The following SECISBP2L variants were observed in gnomAD, a reference collection of about 807,000 sequenced individuals.
The protein encoded by SECISBP2L is selenocysteine insertion sequence-binding protein 2-like.
Under a neutral mutation model 114.7 loss-of-function variants are expected in SECISBP2L, and 43 were observed. The observed-to-expected ratio is 0.38, with a 90% CI of 0.29 to 0.48. The LOEUF (loss-of-function observed/expected upper bound fraction) is 0.48. Among genes scored for constraint, SECISBP2L ranks in the 20% least tolerant of loss-of-function variants. The pLI is 0.98. For synonymous variants in SECISBP2L, 451 were observed against 439.7 expected (o/e 1.03, Z -0.32); for missense variants, 1,136 against 1,301.1 (o/e 0.87, Z 1.95).
chr15:49,032,752 C>A (rs1404492566), intron 4 of SECISBP2L, among the ~76,000 whole-genome samples: 2 of 152,120 alleles, frequency 1.3e-5, no homozygotes, highest in Non-Finnish European at 2.9e-5. Context: ...CATCTTAAAC[C>A]CGCCCAAAAT....
chr15:49,044,147 A>C (rs999624490), intron 1 of SECISBP2L, among the ~76,000 whole-genome samples: 1 of 152,168 alleles, frequency 6.6e-6, no homozygotes, highest in Non-Finnish European at 1.5e-5. Context: ...TGAGTATGTC[A>C]ACACTGGTCT....
intron 2 of SECISBP2L, among the ~76,000 whole-genome samples, chr15:49,036,363 T>G (rs1903006464): frequency 6.6e-6 from 1 of 152,228 alleles, no homozygotes; most frequent in South Asian, 2.1e-4. Context: ...TCCTAAGGAC[T>G]AGGGAGTTGA....
At chr15:48,993,403 T>C (rs922354770) in intron 17 of SECISBP2L, among the ~76,000 whole-genome samples, 2 of 152,140 alleles carry the variant, frequency 1.3e-5, no homozygotes, top group African/African-American at 2.4e-5. Flanking sequence ...CTTATACCAA[T>C]AGGAGCTCAC....
chr15:49,023,887 T>TG (rs1412099173), intron 7 of SECISBP2L, among the ~76,000 whole-genome samples: 2 of 152,020 alleles, frequency 1.3e-5, no homozygotes, highest in Non-Finnish European at 2.9e-5. Flanking sequence ...TTACTCAAAG[T>TG]GGGAGAGGTA....
At position 49,012,593 on chromosome 15, in the gene SECISBP2L, G is replaced by C. The variant is rs1215617505; in HGVS notation, c.1731+55C>G. ...CACCACAACCTACTTTTACAAAACA[G>C]ATTAAAATCCTTATTCATCCTATAA... On this transcript the variant is annotated intron_variant, in intron 12 of 17. Coordinates refer to ENST00000559471, the MANE Select transcript of SECISBP2L (RefSeq NM_001193489.2). 4 of 1,573,658 alleles carry C rather than the reference G, an allele frequency of 2.5e-6. No homozygotes were observed. The African/African-American group carries it at 5.5e-5, about 22-fold the overall frequency.
intron 12 of SECISBP2L, among the ~76,000 whole-genome samples, chr15:49,012,074 A>C (rs1902447801): frequency 6.6e-6 from 1 of 152,176 alleles, no homozygotes; most frequent in Admixed American, 6.5e-5. Context: ...ATGTTATAGA[A>C]TATACAGCTA....
chr15:48,996,260 C>A, intron 17 of SECISBP2L, 107 bp downstream of exon 17: 1 of 1,123,398 alleles, frequency 8.9e-7, no homozygotes, highest in Admixed American at 2.8e-5. Flanking sequence ...AAATTTCGAG[C>A]AACATTTGAA....
intron 3 of SECISBP2L, 81 bp downstream of exon 3, chr15:49,035,253 G>A (rs749244269): frequency 2.0e-4 from 243 of 1,233,456 alleles, no homozygotes; most frequent in Non-Finnish European, 2.6e-4. Context: ...AGCATTAATG[G>A]TCAATCAACC....
At chr15:49,029,899 CTTT>C (rs11426884) in intron 4 of SECISBP2L, among the ~76,000 whole-genome samples, 1 of 142,338 alleles carries the variant, frequency 7.0e-6, no homozygotes. Context: ...TGAGGCTGAT[CTTT>C]TTTTTTTTTT....
intron 15 of SECISBP2L, 87 bp downstream of exon 15, chr15:49,000,790 T>G: frequency 2.8e-6 from 3 of 1,080,172 alleles, no homozygotes; most frequent in Non-Finnish European, 4.0e-6. Flanking sequence ...TAAACTCTGA[T>G]GAGAAAGACA....
chr15:49,023,819 T>A (rs1902688511), intron 7 of SECISBP2L, among the ~76,000 whole-genome samples: 1 of 152,042 alleles, frequency 6.6e-6, no homozygotes, highest in African/African-American at 2.4e-5. Flanking sequence ...AGAACAAAAA[T>A]AAGATATATA....
chr15:49,017,523 C>G, intron 9 of SECISBP2L, 25 bp downstream of exon 9: 1 of 1,447,568 alleles, frequency 6.9e-7, no homozygotes, highest in Middle Eastern at 1.8e-4. Flanking sequence ...TTATATTTTG[C>G]TTTTCTTTTT....
chr15:49,027,292 A>C, intron 7 of SECISBP2L, 73 bp downstream of exon 7: 1 of 1,051,480 alleles, frequency 9.5e-7, no homozygotes, highest in Non-Finnish European at 1.5e-6. Context: ...TATCCACTAC[A>C]CCACTGTAAC....
rs558286753 is a variant in SECISBP2L at position 49,041,227 on chromosome 15, A to G, written c.25-3458T>C. 4.6e-5 allele frequency among the ~76,000 whole-genome samples: 7 copies of G among 152,368 alleles called. No individual in the cohort carries two copies. In the South Asian group the frequency reaches 1.4e-3, roughly 32 times the overall value. ...TAGCAAAACTATCTTCATCTTTCAG[A>G]AATTATTTCAGAATTTTCCAAATTA... On this transcript the variant is annotated intron_variant, in intron 1 of 17. Coordinates refer to ENST00000559471, the MANE Select transcript of SECISBP2L (RefSeq NM_001193489.2).
At chr15:49,013,485 C>A (rs1321081364) in intron 11 of SECISBP2L, among the ~76,000 whole-genome samples, 2 of 152,072 alleles carry the variant, frequency 1.3e-5, no homozygotes, top group African/African-American at 4.8e-5. Flanking sequence ...TTAGTAGAGA[C>A]AGGGTTTCAC....
chr15:49,019,692 G>C, intron 7 of SECISBP2L, 140 bp from the exon 8 acceptor site: 1 of 640,310 alleles, frequency 1.6e-6, no homozygotes, highest in Non-Finnish European at 2.2e-6. Flanking sequence ...TTATTTTAAA[G>C]ATCAAGTTTC....
intron 11 of SECISBP2L, 43 bp from the exon 12 acceptor site, chr15:49,012,860 C>A: frequency 6.4e-7 from 1 of 1,557,020 alleles, no homozygotes; most frequent in Non-Finnish European, 8.7e-7. Flanking sequence ...TAGGGCCAAT[C>A]CCACATACTT....
chr15:49,011,156 T>C (rs965785486), intron 13 of SECISBP2L, among the ~76,000 whole-genome samples: 7 of 152,178 alleles, frequency 4.6e-5, no homozygotes, highest in Admixed American at 6.5e-5. Flanking sequence ...AATAAAGATA[T>C]ACTAGCAGAA....
chr15:49,020,920 G>A (rs1034659286), intron 7 of SECISBP2L, among the ~76,000 whole-genome samples: 1 of 152,152 alleles, frequency 6.6e-6, no homozygotes, highest in Non-Finnish European at 1.5e-5. Flanking sequence ...CAAGATTTAA[G>A]AGAATAAGCT....
Sources: allele counts gnomAD v4.1 joint callset (sites outside exome capture counted in the v4.1 genomes callset), GRCh38; gene constraint gnomAD v4.1.1; transcripts MANE v1.5; gene names NCBI Gene and HGNC (gene_info 2026-07-23, HGNC 2026-07-21).